CNTN5: variants seen among roughly 807,000 people sequenced by gnomAD.
The protein encoded by CNTN5 is contactin 5, also known as contactin-5.
In CNTN5, 77 loss-of-function variants were observed where a neutral mutation model predicts 129.1. The ratio of observed to expected loss-of-function variants is 0.60; its 90% CI spans 0.50 to 0.72. The LOEUF (loss-of-function observed/expected upper bound fraction) is 0.72, where lower values mean the gene tolerates loss of function less well. Among genes scored for constraint, CNTN5 ranks in the 30% least tolerant of loss-of-function variants. The pLI, the probability that CNTN5 is intolerant of heterozygous loss-of-function variation, is 0.00. For missense variants in CNTN5, 1,478 were observed against 1,328.8 expected, an observed-to-expected ratio of 1.11 and a Z score of -1.75; for synonymous variants, 509 against 465.6, an observed-to-expected ratio of 1.09 and a Z score of -1.20.
intron 1 of CNTN5, among the ~76,000 whole-genome samples, chr11:99,116,435 C>T (rs188759186): frequency 2.0e-5 from 3 of 152,158 alleles, no homozygotes; most frequent in Admixed American, 1.3e-4. Context: ...TTACTTAAAT[C>T]GTCTTTTTTA....
intron 3 of CNTN5, among the ~76,000 whole-genome samples, chr11:99,658,718 AAT>A (rs1555067254): frequency 8.5e-4 from 105 of 124,036 alleles, no homozygotes; most frequent in African/African-American, 1.8e-3. Flanking sequence ...CTAAAAAAAA[AAT>A]ATATATATAT....
chr11:99,169,174 C>T (rs1217507350), intron 1 of CNTN5, among the ~76,000 whole-genome samples: 2 of 152,064 alleles, frequency 1.3e-5, no homozygotes, highest in African/African-American at 4.8e-5. Flanking sequence ...ATGTACTTTG[C>T]CCTTATTTTA....
chr11:99,628,635 CACA>C (rs1951222185), intron 3 of CNTN5, among the ~76,000 whole-genome samples: 1 of 150,648 alleles, frequency 6.6e-6, no homozygotes, highest in Non-Finnish European at 1.5e-5. Context: ...CACACACACA[CACA>C]CACACACACA....
At chr11:99,990,852 A>G (rs1436085751) in intron 8 of CNTN5, among the ~76,000 whole-genome samples, 2 of 152,200 alleles carry the variant, frequency 1.3e-5, no homozygotes, top group African/African-American at 4.8e-5. Context: ...AATCTAACGT[A>G]CTACTAGATT....
At chr11:99,762,458 G>A (rs904465157) in intron 3 of CNTN5, among the ~76,000 whole-genome samples, 2 of 151,744 alleles carry the variant, frequency 1.3e-5, no homozygotes, top group Non-Finnish European at 2.9e-5. Flanking sequence ...TGTAAGGAAG[G>A]GATCCAGTTT....
intron 1 of CNTN5, among the ~76,000 whole-genome samples, chr11:99,240,769 A>G (rs1861506945): frequency 6.6e-6 from 1 of 152,184 alleles, no homozygotes; most frequent in Non-Finnish European, 1.5e-5. Flanking sequence ...AAACAAACAA[A>G]CTGATAAAAG....
In CNTN5 at chr11:99,743,918, T is replaced by A. The variant is rs545786679; in HGVS notation, c.56-75626T>A. The stretch of plus-strand genomic sequence containing the variant: ...ACTTAAACCCATATAACATAGTTAT[T>A]CAGAAGCAGTAAATGTTGAATAGAA... On this transcript the variant is annotated intron_variant, in intron 3 of 24. Coordinates refer to ENST00000524871, the MANE Select transcript of CNTN5 (RefSeq NM_014361.4). 2.0e-5 allele frequency among the ~76,000 whole-genome samples: 3 copies of A among 152,300 alleles called. No individual in the cohort carries two copies. The South Asian group carries it at 6.2e-4, about 32-fold the overall frequency.
At chr11:100,081,155 G>GA (rs1466889123) in intron 13 of CNTN5, among the ~76,000 whole-genome samples, 2 of 151,708 alleles carry the variant, frequency 1.3e-5, no homozygotes, top group African/African-American at 4.8e-5. Context: ...TTTTTTATTA[G>GA]AAAAAATTTT....
At chr11:99,897,702 A>G (rs186403875) in intron 6 of CNTN5, among the ~76,000 whole-genome samples, 46 of 152,256 alleles carry the variant, frequency 3.0e-4, no homozygotes, top group Middle Eastern at 6.8e-3. Context: ...ACAGATATAT[A>G]CAGAACTCAC....
intron 2 of CNTN5, among the ~76,000 whole-genome samples, chr11:99,487,072 G>C (rs1295629698): frequency 6.6e-6 from 1 of 152,170 alleles, no homozygotes; most frequent in African/African-American, 2.4e-5. Flanking sequence ...CAAGTAAATA[G>C]ATGTTGGCAG....
At chr11:100,004,110 T>C (rs181257580) in intron 9 of CNTN5, 55 of 152,328 alleles carry the variant, frequency 3.6e-4, no homozygotes, top group African/African-American at 1.3e-3. Context: ...CACAGCTCAC[T>C]TGAGCTGCTT....
At chr11:99,062,213 A>G (rs1864913392) in intron 1 of CNTN5, among the ~76,000 whole-genome samples, 1 of 152,170 alleles carries the variant, frequency 6.6e-6, no homozygotes. Flanking sequence ...AGACCTAACT[A>G]AATCTAAAGA....
intron 1 of CNTN5, among the ~76,000 whole-genome samples, chr11:99,099,310 A>G (rs1347219068): frequency 2.0e-5 from 3 of 152,148 alleles, no homozygotes; most frequent in Non-Finnish European, 2.9e-5. Context: ...TTCAAGGCAT[A>G]TAAATGTATG....
At chr11:100,231,479 C>G (rs2138649490) in intron 16 of CNTN5, among the ~76,000 whole-genome samples, 1 of 152,274 alleles carries the variant, frequency 6.6e-6, no homozygotes, top group South Asian at 2.1e-4. Flanking sequence ...TTGCCAATTG[C>G]AATGCTTGAG....
intron 9 of CNTN5, among the ~76,000 whole-genome samples, chr11:100,027,316 T>G (rs1177040270): frequency 2.0e-5 from 3 of 152,204 alleles, no homozygotes; most frequent in African/African-American, 7.2e-5. Context: ...GTTAAATTAC[T>G]CAGAAACATT....
intron 2 of CNTN5, among the ~76,000 whole-genome samples, chr11:99,352,505 A>T (rs1938367037): frequency 6.6e-6 from 1 of 152,186 alleles, no homozygotes; most frequent in Non-Finnish European, 1.5e-5. Context: ...AAACATACCA[A>T]AATTTTCTTT....
At chr11:100,189,165 A>G (rs1031456973) in intron 13 of CNTN5, among the ~76,000 whole-genome samples, 13 of 151,970 alleles carry the variant, frequency 8.6e-5, no homozygotes, top group Non-Finnish European at 1.6e-4. Flanking sequence ...ATCAATCCGA[A>G]ACCTCATCAT....
chr11:100,001,609 A>G (rs896557193), intron 8 of CNTN5, among the ~76,000 whole-genome samples: 2 of 152,154 alleles, frequency 1.3e-5, no homozygotes, highest in Non-Finnish European at 2.9e-5. Context: ...ATCTTTTGTT[A>G]CTCCCACAAT....
chr11:99,323,050 A>G (rs1215975954), intron 1 of CNTN5, among the ~76,000 whole-genome samples: 1 of 152,182 alleles, frequency 6.6e-6, no homozygotes, highest in Non-Finnish European at 1.5e-5. Context: ...AGAAAAATAT[A>G]GGTTGGCAAA....
Sources: gnomAD v4.1 joint callset for allele counts (sites outside exome capture counted in the v4.1 genomes callset) on GRCh38, gnomAD v4.1.1 for gene constraint, MANE v1.5 for transcripts, NCBI Gene and HGNC (gene_info 2026-07-23, HGNC 2026-07-21) for gene names.